The following UBA3 variants were observed in gnomAD, a reference collection of about 807,000 sequenced individuals.
The protein encoded by UBA3 is NEDD8-activating enzyme E1 catalytic subunit.
A neutral mutation model predicts 73.5 loss-of-function variants in UBA3; 26 were observed. That is an observed-to-expected ratio of 0.35 (90% CI 0.26 to 0.49). UBA3 has a LOEUF of 0.49. UBA3 is among the 20% of genes least tolerant of loss of function. The pLI, the probability that UBA3 is intolerant of heterozygous loss-of-function variation, is 0.98. For missense variants in UBA3, 495 were observed against 555.6 expected (o/e 0.89, Z 1.10); for synonymous variants, 217 against 191.2 (o/e 1.13, Z -1.11).
rs534874650 is a variant in UBA3 at position 69,063,735 on chromosome 3, A to T, written c.473-232T>A. Among the ~76,000 whole-genome samples the T allele has an allele frequency of 2.2e-3, 321 of 145,856 alleles. 1 individual carries two copies. Among genetic ancestry groups the T allele is most frequent in the African/African-American group, 7.6e-3 (303 of 40,050 alleles). On this transcript the variant is annotated intron_variant, in intron 7 of 17. Transcript: ENST00000361055. The stretch of plus-strand genomic sequence containing the variant: ...CCCTAAAAAATAAAGTTTACTAATT[A>T]AAAAAAAAAAGCACTTGCAGAAAAC...
intron 4 of UBA3, among the ~76,000 whole-genome samples, chr3:69,073,671 T>C (rs2107498627): frequency 6.6e-6 from 1 of 151,744 alleles, no homozygotes; most frequent in African/African-American, 2.4e-5. Context: ...AGTCTCGCTC[T>C]GTTGCCCAGG....
In UBA3 at chr3:69,075,803, C is replaced by G. The variant is rs532471847; in HGVS notation, c.184-293G>C. ...GCTGGAGTGACTGATGGGATCTCGGCTCACTGCAACCTCCGCCTCCCAGAT... is the reference window on the plus strand; with the variant it reads ...GCTGGAGTGACTGATGGGATCTCGGGTCACTGCAACCTCCGCCTCCCAGAT... On this transcript the variant is annotated intron_variant, in intron 3 of 17. Transcript: ENST00000361055. 6.2e-4 allele frequency among the ~76,000 whole-genome samples: 95 copies of G among 152,108 alleles called. 1 individual carries two copies. In the Middle Eastern group the frequency reaches 0.01, roughly 16 times the overall value.
chr3:69,080,193 A>G, intron 1 of UBA3, 40 bp from the exon 2 acceptor site: 2 of 1,405,974 alleles, frequency 1.4e-6, no homozygotes, highest in Non-Finnish European at 2.0e-6. Flanking sequence ...ATCGCGCTAC[A>G]CACTGGGCGC....
At position 69,063,113 on chromosome 3, in the gene UBA3, C is replaced by G; in HGVS notation, c.562G>C (p.Gly188Arg). Reference sequence around the variant, plus strand: ...ACAATGGAGCTTGGATCTAAGACACCATCTTCATAATTTAGAAGAGATATC... The same window carrying G: ...ACAATGGAGCTTGGATCTAAGACACGATCTTCATAATTTAGAAGAGATATC... ...MLISLLNYED[G>R]VLDPSSIVPL... Residue 188 changes from glycine (G) to arginine (R), a missense_variant, in exon 9 of 18, where the codon GGT (glycine) becomes CGT (arginine). Coordinates refer to ENST00000361055, the MANE Select transcript of UBA3 (RefSeq NM_003968.4). 6.2e-7 allele frequency: 1 copy of G among 1,613,956 alleles called. No homozygotes were observed. The highest frequency in any genetic ancestry group is 1.1e-5 in the South Asian group (1 of 91,068).
intron 4 of UBA3, among the ~76,000 whole-genome samples, 162 bp from the exon 5 acceptor site, chr3:69,071,779 A>T (rs1411318725): frequency 6.6e-6 from 1 of 152,214 alleles, no homozygotes; most frequent in African/African-American, 2.4e-5. Context: ...TAAAATTCAG[A>T]GTTCTTGAAC....
Position 69,067,936 on chromosome 3 carries a change from A to G in UBA3, c.420T>C (p.Asn140=), listed in dbSNP as rs138137701. Residue 140 remains asparagine, a synonymous_variant, in exon 6 of 18, where the codon AAT becomes AAC. Coordinates refer to ENST00000361055, the MANE Select transcript of UBA3 (RefSeq NM_003968.4). ...TTTTGTCAAAAGGATACGGAACTACATTGCAATTAGGAACTCTGTCATTTA... is the reference window on the plus strand; with the variant it reads ...TTTTGTCAAAAGGATACGGAACTACGTTGCAATTAGGAACTCTGTCATTTA... ...EFLNDRVPNC[N]VVPHFNKIQD... 7.2e-5 allele frequency: 115 copies of G among 1,605,268 alleles called. No homozygotes were observed. The highest frequency in any genetic ancestry group is 9.4e-5 in the African/African-American group (7 of 74,722).
rs373309772 is a variant in UBA3, at chr3:69,075,218, A to C, written c.264+212T>G. 17 of 208,238 alleles carry C rather than the reference A, an allele frequency of 8.2e-5. 1 individual carries two copies. In the South Asian group the frequency reaches 2.6e-3, roughly 31 times the overall value. The allele number at this position is 208,238 out of a possible 1,614,324, so 12.9% of individuals were successfully genotyped here. The stretch of plus-strand genomic sequence containing the variant: ...GAAAACTGAAGTATGAAATTTTATC[A>C]ATAACTTTATAGCTGAGAGCTTTAG... On this transcript the variant is annotated intron_variant, in intron 4 of 17. Coordinates refer to ENST00000361055, the MANE Select transcript of UBA3 (RefSeq NM_003968.4).
chr3:69,079,897 C>A, intron 2 of UBA3: 2 of 535,800 alleles, frequency 3.7e-6, no homozygotes, highest in Non-Finnish European at 6.5e-6. Context: ...TGGGGCAGTA[C>A]AGCCTGGCCC....
chr3:69,071,877 C>CAT lies in UBA3; in HGVS notation c.265-262_265-261dup, dbSNP rs201415899. 8.7e-3 allele frequency among the ~76,000 whole-genome samples: 1,318 copies of CAT among 152,166 alleles called. 8 individuals are homozygous for CAT. The highest frequency in any genetic ancestry group is 0.014 in the Non-Finnish European group (929 of 67,970). On this transcript the variant is annotated intron_variant, in intron 4 of 17. Transcript: ENST00000361055. ...ATTTCTACGGATTGAAACTATTTTA[C>CAT]ATATATATATAATTCCATAAACACA...
rs555207607 is a variant in UBA3 at position 69,067,156 on chromosome 3, G to T, written c.428+772C>A. Among the ~76,000 whole-genome samples, 12 of 152,264 alleles carry T rather than the reference G, an allele frequency of 7.9e-5. No individual in the cohort carries two copies. In the East Asian group the frequency reaches 2.3e-3, roughly 29 times the overall value. On this transcript the variant is annotated intron_variant, in intron 6 of 17. Coordinates refer to ENST00000361055, the MANE Select transcript of UBA3 (RefSeq NM_003968.4). ...TGGTATATATGTATACAAATTTAGG[G>T]AGAAATGACATCTTTACTATATTTA...
intron 11 of UBA3, among the ~76,000 whole-genome samples, chr3:69,060,897 G>A (rs1013666791): frequency 5.9e-5 from 9 of 152,100 alleles, no homozygotes; most frequent in South Asian, 2.1e-4. Flanking sequence ...TAGCTTTCAC[G>A]AGTAAAAGCT....
At chr3:69,073,836 G>T (rs2092142809) in intron 4 of UBA3, among the ~76,000 whole-genome samples, 1 of 143,886 alleles carries the variant, frequency 6.9e-6, no homozygotes, top group Non-Finnish European at 1.6e-5. Context: ...GTAGAGACGG[G>T]GTTTCACTGT....
At chr3:69,063,158 G>T in intron 8 of UBA3, 21 bp from the exon 9 acceptor site, 1 of 1,612,028 alleles carries the variant, frequency 6.2e-7, no homozygotes, top group Non-Finnish European at 8.5e-7. Flanking sequence ...AATTTGAAGG[G>T]CTTTAAAGGA....
chr3:69,075,567 TA>T, intron 3 of UBA3, 57 bp from the exon 4 acceptor site: 1 of 1,057,092 alleles, frequency 9.5e-7, no homozygotes, highest in Non-Finnish European at 1.3e-6. Flanking sequence ...AGACTATAAA[TA>T]AAGCAACAAA....
intron 4 of UBA3, among the ~76,000 whole-genome samples, chr3:69,073,376 T>C (rs184606039): frequency 6.6e-6 from 1 of 152,332 alleles, no homozygotes; most frequent in Admixed American, 6.5e-5. Flanking sequence ...TTATTCTCTC[T>C]AACTAGAATA....
At chr3:69,077,619 C>A in intron 3 of UBA3, 179 bp downstream of exon 3, 1 of 647,164 alleles carries the variant, frequency 1.5e-6, no homozygotes, top group Non-Finnish European at 2.3e-6. Context: ...AATGTTAAGA[C>A]TCAAATATTC....
chr3:69,071,978 A>G (rs1029467957), intron 4 of UBA3, among the ~76,000 whole-genome samples: 1 of 152,200 alleles, frequency 6.6e-6, no homozygotes, highest in Non-Finnish European at 1.5e-5. Context: ...TTTTCAAAAT[A>G]TTGTTAAAAG....
In UBA3 at chr3:69,063,091, A is replaced by G. The variant is rs1423153328; in HGVS notation, c.584T>C (p.Ile195Thr). 3 of 1,614,004 alleles carry G rather than the reference A, an allele frequency of 1.9e-6. No individual in the cohort carries two copies. The highest frequency in any genetic ancestry group is 1.7e-5 in the Admixed American group (1 of 60,012). ...YEDGVLDPSS[I>T]VPLIDGGTEG... ...TGTCCCCCCATCTATCAAAGGGACA[A>G]TGGAGCTTGGATCTAAGACACCATC... The change falls in exon 9 of 18, where the codon ATT (isoleucine) becomes ACT (threonine). Residue 195 changes from isoleucine (I) to threonine (T), a missense_variant. Ile to Thr is a moderately conservative substitution (Grantham distance 89). Coordinates refer to ENST00000361055, the MANE Select transcript of UBA3 (RefSeq NM_003968.4).
intron 3 of UBA3, among the ~76,000 whole-genome samples, chr3:69,076,804 G>C (rs1381211132): frequency 1.3e-5 from 2 of 150,618 alleles, no homozygotes; most frequent in Admixed American, 1.3e-4. Context: ...TGTTGCCCAG[G>C]GTGGTCTGGA....
Sources: gnomAD v4.1 joint callset for allele counts (sites outside exome capture counted in the v4.1 genomes callset) on GRCh38, gnomAD v4.1.1 for gene constraint, MANE v1.5 for transcripts, NCBI Gene and HGNC (gene_info 2026-07-23, HGNC 2026-07-21) for gene names.